The following PRKAG2 variants were observed in gnomAD, a reference collection of about 807,000 sequenced individuals.
PRKAG2 encodes the protein 5'-AMP-activated protein kinase subunit gamma-2.
PRKAG2 carries 26 observed loss-of-function variants against 69.6 expected under a neutral mutation model. The observed-to-expected ratio is 0.37, with a 90% CI of 0.27 to 0.52. The LOEUF is 0.52. Ranked by LOEUF, PRKAG2 falls within the 20% of genes least tolerant of loss-of-function variation. The pLI, the probability that PRKAG2 is intolerant of heterozygous loss-of-function variation, is 0.90. For synonymous variants in PRKAG2, 293 were observed against 285.0 expected (o/e 1.03, Z -0.28); for missense variants, 557 against 740.0 (o/e 0.75, Z 2.87).
At chr7:151,789,277 A>G (rs1484926197) in intron 1 of PRKAG2, among the ~76,000 whole-genome samples, 1 of 152,112 alleles carries the variant, frequency 6.6e-6, no homozygotes, top group Non-Finnish European at 1.5e-5. Flanking sequence ...TCGCCTCCCA[A>G]TCCATAAACA....
At position 151,753,061 on chromosome 7, in the gene PRKAG2, G is replaced by T. The variant is rs956730858; in HGVS notation, c.466+28091C>A. The stretch of plus-strand genomic sequence containing the variant: ...CTGAGGGCGGAGGCTGGCTCTGATG[G>T]TGAGGAAATGTCGAAGGGCAGGTGA... On this transcript the variant is annotated intron_variant, in intron 3 of 15. Coordinates refer to ENST00000287878, the MANE Select transcript of PRKAG2 (RefSeq NM_016203.4). Among the ~76,000 whole-genome samples, 3 of 152,266 alleles carry T rather than the reference G, an allele frequency of 2.0e-5. No homozygotes were observed. In the South Asian group the frequency reaches 6.2e-4, roughly 31 times the overall value.
Position 151,611,643 on chromosome 7 carries a change from C to T in PRKAG2, c.755-16189G>A, listed in dbSNP as rs374031113. ...CACCCCATCCCACCAGGACAAGTGG[C>T]AGGAACCGCAGGGAAAGCTGGAAAC... On this transcript the variant is annotated intron_variant, in intron 5 of 15. Coordinates refer to ENST00000287878, the MANE Select transcript of PRKAG2 (RefSeq NM_016203.4). Among the ~76,000 whole-genome samples the T allele has an allele frequency of 5.4e-4, 82 of 152,248 alleles. 1 individual carries two copies. In the Middle Eastern group the frequency reaches 0.031, roughly 57 times the overall value.
At position 151,814,344 on chromosome 7, in the gene PRKAG2, G is replaced by T; in HGVS notation, c.115-27803C>A. 1 of 1,070,240 alleles carries T rather than the reference G, an allele frequency of 9.3e-7. No individual in the cohort carries two copies. The highest frequency in any genetic ancestry group is 1.2e-6 in the Non-Finnish European group (1 of 854,680). 66.3% of individuals were successfully genotyped at this position (1,070,240 alleles called of 1,614,324 possible). A position where few individuals can be genotyped will look rare whatever the true frequency, so the allele number is the denominator to read the frequency against. ...CACCAAGGAGACAAAGCATCGTGAG[G>T]GGGAAAACCGCACACCCAGGGACGC... is the stretch of plus-strand genomic sequence containing the variant. On this transcript the variant is annotated intron_variant, in intron 1 of 15. Transcript: ENST00000287878. This position sits in a 1 kb window ranked among gnomAD's most constrained non-coding sequence, Gnocchi z 4.8.
intron 4 of PRKAG2, among the ~76,000 whole-genome samples, chr7:151,674,206 A>G (rs998603632): frequency 6.6e-6 from 1 of 152,178 alleles, no homozygotes; most frequent in Admixed American, 6.5e-5. Context: ...GCTATGTGAG[A>G]ACGGGACAGA....
intron 1 of PRKAG2, among the ~76,000 whole-genome samples, chr7:151,821,788 G>T (rs1023314282): frequency 6.6e-6 from 1 of 152,158 alleles, no homozygotes; most frequent in African/African-American, 2.4e-5. Flanking sequence ...GTGCTGGGAC[G>T]TTGGCTAAGT....
In PRKAG2 at chr7:151,557,029, A is replaced by T; in HGVS notation, c.*172T>A. On this transcript the variant is annotated 3_prime_UTR_variant, in exon 16 of 16. Coordinates refer to ENST00000287878, the MANE Select transcript of PRKAG2 (RefSeq NM_016203.4). Reference sequence around the variant, plus strand: ...TCTTTTAATGCAAGCCTGAATCTTCAAGCACATAAAATCTTTCTTTTTTAA... The same window carrying T: ...TCTTTTAATGCAAGCCTGAATCTTCTAGCACATAAAATCTTTCTTTTTTAA... 2 of 1,090,088 alleles carry T rather than the reference A, an allele frequency of 1.8e-6. No homozygotes were observed. Among genetic ancestry groups the T allele is most frequent in the Admixed American group, 2.2e-5 (1 of 45,566 alleles). The allele number at this position is 1,090,088 out of a possible 1,614,324, so 67.5% of individuals were successfully genotyped here.
intron 1 of PRKAG2, among the ~76,000 whole-genome samples, chr7:151,846,595 C>T (rs1217217449): frequency 2.0e-5 from 3 of 152,136 alleles, no homozygotes; most frequent in Admixed American, 6.5e-5. Flanking sequence ...TGAGGGACAC[C>T]GTAACTTAGG....
chr7:151,678,405 C>A (rs1255356188), intron 3 of PRKAG2, among the ~76,000 whole-genome samples: 1 of 152,168 alleles, frequency 6.6e-6, no homozygotes, highest in Non-Finnish European at 1.5e-5. Context: ...GGCTCAAGGT[C>A]AGGGTGAATC....
At chr7:151,590,297 G>GGT (rs1812744217) in intron 6 of PRKAG2, among the ~76,000 whole-genome samples, 1 of 152,220 alleles carries the variant, frequency 6.6e-6, no homozygotes, top group South Asian at 2.1e-4. Flanking sequence ...AAGCCTCTAT[G>GGT]GCAGTCCCCA....
At chr7:151,586,703 T>A (rs1404765614) in intron 6 of PRKAG2, among the ~76,000 whole-genome samples, 1 of 152,206 alleles carries the variant, frequency 6.6e-6, no homozygotes, top group Non-Finnish European at 1.5e-5. Flanking sequence ...AGCTGAGCAG[T>A]TCTGTTTTCT....
chr7:151,845,652 C>T (rs892980237), intron 1 of PRKAG2, among the ~76,000 whole-genome samples: 4 of 152,182 alleles, frequency 2.6e-5, no homozygotes, highest in African/African-American at 7.2e-5. Flanking sequence ...CAGATGCCTG[C>T]CTCCCTTCCC....
At chr7:151,725,866 G>C (rs903039372) in intron 3 of PRKAG2, among the ~76,000 whole-genome samples, 2 of 152,156 alleles carry the variant, frequency 1.3e-5, no homozygotes, top group Admixed American at 1.3e-4. Context: ...CGAAATCCCG[G>C]TGGCTGAGCA....
intron 1 of PRKAG2, among the ~76,000 whole-genome samples, chr7:151,811,145 T>C (rs181119575): frequency 6.6e-6 from 1 of 152,342 alleles, no homozygotes; most frequent in Admixed American, 6.5e-5. Context: ...TGCTAAGACC[T>C]GGAGAATTCC....
At chr7:151,671,314 CTTTT>C (rs1283957807) in intron 4 of PRKAG2, among the ~76,000 whole-genome samples, 3 of 151,024 alleles carry the variant, frequency 2.0e-5, no homozygotes, top group African/African-American at 7.3e-5. Context: ...CAGAAAGTAT[CTTTT>C]TATTACAAAA....
At chr7:151,685,314 A>T (rs951655410) in intron 3 of PRKAG2, among the ~76,000 whole-genome samples, 1 of 151,814 alleles carries the variant, frequency 6.6e-6, no homozygotes, top group African/African-American at 2.4e-5. Context: ...CCCCACCAAC[A>T]CCCCTATCCC....
rs201335622 is a variant in PRKAG2, at chr7:151,692,203, C to CA, written c.467-16567dup. On this transcript the variant is annotated intron_variant, in intron 3 of 15. Transcript: ENST00000287878. ...ACCCTGTCTCAAAACAACAAAAAAACAAAAAAAAATGAAAAACAAACCAAA... is the reference window on the plus strand; with the variant it reads ...ACCCTGTCTCAAAACAACAAAAAAACAAAAAAAAAATGAAAAACAAACCAAA... 1.3e-3 allele frequency among the ~76,000 whole-genome samples: 193 copies of CA among 149,566 alleles called. 2 individuals are homozygous for CA. The highest frequency in any genetic ancestry group is 4.1e-3 in the Admixed American group (61 of 15,038).
intron 3 of PRKAG2, among the ~76,000 whole-genome samples, chr7:151,757,041 C>G (rs1424802398): frequency 1.3e-5 from 2 of 152,084 alleles, no homozygotes; most frequent in African/African-American, 2.4e-5. Flanking sequence ...TTTGGTCTTG[C>G]TCTATATTTA....
intron 1 of PRKAG2, among the ~76,000 whole-genome samples, chr7:151,854,285 C>A (rs1360341535): frequency 4.6e-5 from 7 of 152,278 alleles, no homozygotes; most frequent in Admixed American, 1.3e-4. Context: ...TCCCTTCCCC[C>A]CACACACATG....
chr7:151,581,837 C>T (rs569252419), intron 6 of PRKAG2, among the ~76,000 whole-genome samples: 5 of 152,272 alleles, frequency 3.3e-5, no homozygotes, highest in Non-Finnish European at 7.4e-5. Context: ...CATCCTGCTT[C>T]CCCATAATAA....
Sources: gnomAD v4.1 joint callset for allele counts (sites outside exome capture counted in the v4.1 genomes callset) on GRCh38, gnomAD v4.1.1 for gene constraint, Gnocchi (gnomAD v3.1) non-coding constraint, MANE v1.5 for transcripts, NCBI Gene and HGNC (gene_info 2026-07-23, HGNC 2026-07-21) for gene names.